The following FRMPD4 variants were observed in gnomAD, a reference collection of about 807,000 sequenced individuals.
The protein encoded by FRMPD4 is FERM and PDZ domain containing 4, also known as FERM and PDZ domain-containing protein 4.
Under a neutral mutation model 94.1 loss-of-function variants are expected in FRMPD4, and 22 were observed. The observed-to-expected ratio is 0.23, with a 90% confidence interval of 0.17 to 0.33. The LOEUF (loss-of-function observed/expected upper bound fraction) is 0.33. FRMPD4 is among the 10% of genes least tolerant of loss of function. The pLI is 1.00. For missense variants in FRMPD4, 1,111 were observed against 1,339.9 expected (o/e 0.83, Z 2.67); for synonymous variants, 631 against 548.6 (o/e 1.15, Z -2.10).
intron 1 of FRMPD4, among the ~76,000 whole-genome samples, chrX:12,230,556 G>C (rs1468695838): frequency 9.1e-6 from 1 of 110,043 alleles, no homozygotes; most frequent in African/African-American, 3.3e-5. Flanking sequence ...ACCTTTCTCA[G>C]TCAAGGTTTG....
intron 1 of FRMPD4, among the ~76,000 whole-genome samples, chrX:12,468,759 C>G (rs2057476793): frequency 8.9e-6 from 1 of 111,874 alleles, no homozygotes; most frequent in African/African-American, 3.2e-5. Context: ...CTGGATCAGA[C>G]AGGTGTCTGC....
At chrX:12,425,862 T>G (rs934394914) in intron 1 of FRMPD4, among the ~76,000 whole-genome samples, 6 of 112,176 alleles carry the variant, frequency 5.3e-5, no homozygotes, top group African/African-American at 1.9e-4. Context: ...TATTTTGTTT[T>G]GATGCATGAG....
intron 1 of FRMPD4, among the ~76,000 whole-genome samples, chrX:12,388,342 C>G (rs979581993): frequency 5.4e-5 from 6 of 111,996 alleles, no homozygotes; most frequent in African/African-American, 1.9e-4. Context: ...TGCGGTGGCT[C>G]ACGCCTGTAA....
chrX:12,558,038 C>T (rs1373685413), intron 2 of FRMPD4, among the ~76,000 whole-genome samples: 1 of 112,512 alleles, frequency 8.9e-6, no homozygotes, highest in Non-Finnish European at 1.9e-5. Flanking sequence ...ATGGTAAAAA[C>T]AAGATATGCA....
chrX:12,124,278 A>C (rs190267268), intron 3 of FRMPD4, among the ~76,000 whole-genome samples: 1 of 112,179 alleles, frequency 8.9e-6, no homozygotes, highest in East Asian at 2.8e-4. Context: ...AGCTCTTATA[A>C]AAGTTGAAAA....
intron 1 of FRMPD4, among the ~76,000 whole-genome samples, chrX:12,466,853 C>T (rs1195482729): frequency 8.9e-6 from 1 of 112,020 alleles, no homozygotes; most frequent in Non-Finnish European, 1.9e-5. Flanking sequence ...GCTAGGTTGA[C>T]ATATTGAGAA....
chrX:12,674,916 T>C lies in FRMPD4; in HGVS notation c.468+8T>C, dbSNP rs1316481980. On this transcript the variant is annotated splice_region_variant and intron_variant, in intron 5 of 16. Transcript: ENST00000675598. The stretch of plus-strand genomic sequence containing the variant: ...GTCATTCAGCCTTACCCTGTAAGTG[T>C]TCTGTGAATAAAAGTGCCACTTAAT... 1.8e-6 allele frequency: 2 copies of C among 1,105,538 alleles called. No individual in the cohort carries two copies. Among genetic ancestry groups the C allele is most frequent in the Middle Eastern group, 2.4e-4 (1 of 4,124 alleles). 91.1% of individuals were successfully genotyped at this position (1,105,538 alleles called of 1,213,427 possible). A position where few individuals can be genotyped will look rare whatever the true frequency, so the allele number is the denominator to read the frequency against.
intron 1 of FRMPD4, among the ~76,000 whole-genome samples, chrX:12,325,399 T>G (rs2055270970): frequency 1.8e-5 from 2 of 112,657 alleles, no homozygotes; most frequent in South Asian, 7.2e-4. Flanking sequence ...ACTGCATTAT[T>G]CAAATTATTT....
At chrX:12,428,510 G>A (rs2056976865) in intron 1 of FRMPD4, among the ~76,000 whole-genome samples, 2 of 110,783 alleles carry the variant, frequency 1.8e-5, no homozygotes, top group African/African-American at 6.6e-5. Flanking sequence ...AGGCTCACTT[G>A]GAAGCTCTCA....
chrX:12,412,061 C>T (rs767304478), intron 1 of FRMPD4, among the ~76,000 whole-genome samples: 2 of 112,197 alleles, frequency 1.8e-5, no homozygotes, highest in African/African-American at 6.5e-5. Flanking sequence ...ATTCACAGGC[C>T]ACTTCAGCCT....
intron 3 of FRMPD4, among the ~76,000 whole-genome samples, chrX:12,131,120 G>GACCC: frequency 8.9e-6 from 1 of 111,914 alleles, no homozygotes; most frequent in African/African-American, 3.3e-5. Flanking sequence ...GGGTGAGAGA[G>GACCC]GGTGGGGTTA....
At chrX:12,106,212 G>A (rs1400068302) in intron 3 of FRMPD4, among the ~76,000 whole-genome samples, 1 of 112,317 alleles carries the variant, frequency 8.9e-6, no homozygotes, top group East Asian at 2.8e-4. Context: ...AGCATCTCAA[G>A]CCCCTTTTGA....
At chrX:12,037,293 T>C (rs1238989496) in intron 3 of FRMPD4, among the ~76,000 whole-genome samples, 4 of 112,005 alleles carry the variant, frequency 3.6e-5, no homozygotes, top group African/African-American at 1.3e-4. Flanking sequence ...CATTTGTACC[T>C]ATTTATTCAT....
At chrX:11,943,331 T>TC (rs2054172052) in intron 3 of FRMPD4, among the ~76,000 whole-genome samples, 1 of 111,900 alleles carries the variant, frequency 8.9e-6, no homozygotes, top group South Asian at 3.8e-4. Context: ...TGTCATTTCT[T>TC]CCCCCTCTAC....
chrX:12,424,158 G>A (rs947900049), intron 1 of FRMPD4, among the ~76,000 whole-genome samples: 2 of 112,078 alleles, frequency 1.8e-5, no homozygotes, highest in African/African-American at 6.5e-5. Context: ...ATGGTTACCG[G>A]TCATAGAGTA....
intron 1 of FRMPD4, among the ~76,000 whole-genome samples, chrX:12,295,043 C>CA (rs1301494481): frequency 8.9e-6 from 1 of 112,077 alleles, no homozygotes; most frequent in Non-Finnish European, 1.9e-5. Flanking sequence ...ATGGAGTCCT[C>CA]AAACAGACTG....
chrX:12,719,027 G>T (rs7880350), intron 16 of FRMPD4, among the ~76,000 whole-genome samples: 52,310 of 111,182 alleles, frequency 0.47, 9,411 homozygotes, highest in African/African-American at 0.59. Context: ...TTTCAGAATT[G>T]GATGGGGCAA....
chrX:12,691,128 C>T (rs1400019758), intron 8 of FRMPD4, among the ~76,000 whole-genome samples: 1 of 111,721 alleles, frequency 9.0e-6, no homozygotes, highest in Admixed American at 9.5e-5. Context: ...CACATTGGGT[C>T]CTGCAAATAT....
Position 12,707,603 on chromosome X carries a change from C to T in FRMPD4, c.1422C>T (p.Ser474=), listed in dbSNP as rs776319989. ...FSHVNRIEMF[S]EEESLVRVEL... Reference sequence around the variant, plus strand: ...ACGTCAACAGGATCGAAATGTTTTCCGAGGAGGAGAGCTTGGTGCGGGTAG... The same window carrying T: ...ACGTCAACAGGATCGAAATGTTTTCTGAGGAGGAGAGCTTGGTGCGGGTAG... Residue 474 remains serine, a synonymous_variant, in exon 13 of 17, where the codon TCC becomes TCT. Transcript: ENST00000675598. 1.7e-6 allele frequency: 2 copies of T among 1,210,244 alleles called. No individual in the cohort carries two copies. The highest frequency in any genetic ancestry group is 1.8e-5 in the South Asian group (1 of 56,682).
Sources: allele counts gnomAD v4.1 joint callset (sites outside exome capture counted in the v4.1 genomes callset), GRCh38; gene constraint gnomAD v4.1.1; transcripts MANE v1.5; gene names NCBI Gene and HGNC (gene_info 2026-07-23, HGNC 2026-07-21).